DEPDC5: variants seen among roughly 807,000 people sequenced by gnomAD.
The protein encoded by DEPDC5 is GATOR1 complex protein DEPDC5.
In DEPDC5, 73 loss-of-function variants were observed where a neutral mutation model predicts 217.3. The ratio of observed to expected loss-of-function variants is 0.34; its 90% CI spans 0.28 to 0.41. The LOEUF (loss-of-function observed/expected upper bound fraction) is 0.41. Among genes scored for constraint, DEPDC5 ranks in the 10% least tolerant of loss-of-function variants. The pLI, the probability that DEPDC5 is intolerant of heterozygous loss-of-function variation, is 1.00. For missense variants in DEPDC5, 1,675 were observed against 2,070.1 expected (o/e 0.81, Z 3.70); for synonymous variants, 733 against 756.7 (o/e 0.97, Z 0.51).
chr22:31,793,200 C>T (rs2085878173), intron 12 of DEPDC5, among the ~76,000 whole-genome samples: 1 of 152,138 alleles, frequency 6.6e-6, no homozygotes, highest in African/African-American at 2.4e-5. Flanking sequence ...CTAATATTAA[C>T]ATTTCATAAC....
chr22:31,838,490 A>G (rs918016206), intron 26 of DEPDC5, among the ~76,000 whole-genome samples, 195 bp from the exon 27 acceptor site: 1 of 152,094 alleles, frequency 6.6e-6, no homozygotes, highest in Non-Finnish European at 1.5e-5. Flanking sequence ...TGCATATGCA[A>G]TCTGCCCATC....
At chr22:31,775,249 A>G (rs2083720886) in intron 7 of DEPDC5, among the ~76,000 whole-genome samples, 1 of 150,666 alleles carries the variant, frequency 6.6e-6, no homozygotes, top group African/African-American at 2.4e-5. Flanking sequence ...GTGCGATCTG[A>G]GCTCATTGCA....
chr22:31,773,885 A>G (rs2148258747), intron 7 of DEPDC5, among the ~76,000 whole-genome samples: 1 of 152,274 alleles, frequency 6.6e-6, no homozygotes, highest in South Asian at 2.1e-4. Context: ...CAGCCTGGCG[A>G]ACATGGTGAA....
At position 31,797,639 on chromosome 22, in the gene DEPDC5, A is replaced by C; in HGVS notation, c.807A>C (p.Ser269=). 2.5e-6 allele frequency: 4 copies of C among 1,613,876 alleles called. No homozygotes were observed. Among genetic ancestry groups the C allele is most frequent in the Non-Finnish European group, 3.4e-6 (4 of 1,179,798 alleles). The change falls in exon 13 of 43, where the codon TCA becomes TCC. Residue 269 remains serine, a synonymous_variant. Transcript: ENST00000651528. ...ATGAGAGAAGAGAAGAATGGACTTC[A>C]CTTCTCGTAACCATTAAAAAACTCT... ...VQNERREEWT[S]LLVTIKKLFI... is the part of the protein sequence containing the mutation.
intron 25 of DEPDC5, among the ~76,000 whole-genome samples, chr22:31,836,028 C>A (rs756405522): frequency 2.6e-5 from 4 of 152,224 alleles, no homozygotes; most frequent in Non-Finnish European, 5.9e-5. Context: ...GTATTGCTCC[C>A]TTCTTTGGAA....
intron 18 of DEPDC5, among the ~76,000 whole-genome samples, chr22:31,806,816 G>A (rs1324660589): frequency 6.6e-6 from 1 of 152,054 alleles, no homozygotes; most frequent in Non-Finnish European, 1.5e-5. Context: ...GACCGATCTG[G>A]GCAACAAATA....
chr22:31,756,172 C>T (rs559447355), intron 2 of DEPDC5, among the ~76,000 whole-genome samples: 6 of 152,092 alleles, frequency 3.9e-5, no homozygotes, highest in Admixed American at 1.3e-4. Context: ...CAAGAGCCAC[C>T]GCGCTGGCAT....
intron 10 of DEPDC5, among the ~76,000 whole-genome samples, chr22:31,790,781 C>T (rs1347321598): frequency 1.4e-5 from 2 of 143,232 alleles, no homozygotes; most frequent in East Asian, 2.0e-4. Context: ...GAGTCTCGCT[C>T]CGTCGCCCAG....
At chr22:31,777,931 A>G (rs1013822580) in intron 7 of DEPDC5, 168 bp from the exon 8 acceptor site, 9 of 651,862 alleles carry the variant, frequency 1.4e-5, no homozygotes, top group Middle Eastern at 3.4e-4. Context: ...GATTTTTAGT[A>G]TAGATGGGGT....
intron 10 of DEPDC5, among the ~76,000 whole-genome samples, chr22:31,790,451 T>G (rs186218127): frequency 6.6e-6 from 1 of 152,324 alleles, no homozygotes; most frequent in African/African-American, 2.4e-5. Context: ...TTTATTCTCA[T>G]TAGTCCCTGT....
At chr22:31,897,697 C>T in intron 40 of DEPDC5, 44 bp downstream of exon 40, 2 of 1,600,380 alleles carry the variant, frequency 1.2e-6, no homozygotes, top group Non-Finnish European at 1.7e-6. Context: ...CCAGTAAGAC[C>T]CCGTCCCTAA....
chr22:31,769,993 A>G (rs942427240), intron 7 of DEPDC5, among the ~76,000 whole-genome samples: 2 of 151,234 alleles, frequency 1.3e-5, no homozygotes, highest in African/African-American at 4.9e-5. Context: ...TGAGAGGCCA[A>G]GGTGGGCTGA....
intron 18 of DEPDC5, among the ~76,000 whole-genome samples, chr22:31,807,907 A>T (rs1269132551): frequency 6.6e-6 from 1 of 151,626 alleles, no homozygotes; most frequent in Non-Finnish European, 1.5e-5. Context: ...TTCTTTTTTT[A>T]GGGGGGAGGG....
At chr22:31,762,563 A>T (rs558881438) in intron 4 of DEPDC5, among the ~76,000 whole-genome samples, 1 of 152,294 alleles carries the variant, frequency 6.6e-6, no homozygotes, top group Non-Finnish European at 1.5e-5. Flanking sequence ...CAGGAGTTTG[A>T]GACCAGCCTG....
intron 8 of DEPDC5, among the ~76,000 whole-genome samples, chr22:31,781,253 A>G (rs1007664173): frequency 6.6e-6 from 1 of 151,458 alleles, no homozygotes; most frequent in Non-Finnish European, 1.5e-5. Context: ...AAAAACAAAG[A>G]ATTTATTATC....
chr22:31,809,723 T>C, intron 19 of DEPDC5, 76 bp downstream of exon 19: 1 of 1,520,058 alleles, frequency 6.6e-7, no homozygotes, highest in Non-Finnish European at 9.1e-7. Context: ...CTCACGCCTA[T>C]AATCCCAGCA....
intron 38 of DEPDC5, among the ~76,000 whole-genome samples, chr22:31,889,376 C>T (rs1046435902): frequency 1.3e-5 from 2 of 152,144 alleles, no homozygotes; most frequent in Admixed American, 1.3e-4. Flanking sequence ...GGTTGAACAG[C>T]GTACTTCCTG....
chr22:31,850,137 A>G (rs1044869876), intron 31 of DEPDC5, among the ~76,000 whole-genome samples: 1 of 152,160 alleles, frequency 6.6e-6, no homozygotes, highest in South Asian at 2.1e-4. Context: ...CAACAACAAA[A>G]TTTGAGCCGG....
At chr22:31,902,547 G>A (rs1232338379) in intron 41 of DEPDC5, among the ~76,000 whole-genome samples, 1 of 151,664 alleles carries the variant, frequency 6.6e-6, no homozygotes, top group East Asian at 1.9e-4. Flanking sequence ...CCTAGCTCAG[G>A]TGCTTAGCAA....
Sources: allele counts gnomAD v4.1 joint callset (sites outside exome capture counted in the v4.1 genomes callset), GRCh38; gene constraint gnomAD v4.1.1; transcripts MANE v1.5; gene names NCBI Gene and HGNC (gene_info 2026-07-23, HGNC 2026-07-21).